The following VAV3 variants were observed in gnomAD, a reference collection of about 807,000 sequenced individuals.
The protein encoded by VAV3 is guanine nucleotide exchange factor VAV3.
A neutral mutation model predicts 131.2 loss-of-function variants in VAV3; 94 were observed. That is an observed-to-expected ratio of 0.72 (90% CI 0.61 to 0.85). VAV3 has a LOEUF of 0.85. VAV3 is among the 40% of genes least tolerant of loss of function. VAV3 has a pLI of 0.00. For synonymous variants in VAV3, 349 were observed against 342.0 expected (o/e 1.02, Z -0.22); for missense variants, 939 against 1,002.7 (o/e 0.94, Z 0.86).
intron 1 of VAV3, among the ~76,000 whole-genome samples, chr1:107,940,722 A>G (rs780781769): frequency 2.6e-5 from 4 of 152,162 alleles, no homozygotes; most frequent in Non-Finnish European, 5.9e-5. Flanking sequence ...AAAATAAGCT[A>G]GTCACAAAGG....
chr1:107,821,597 TAGAC>T (rs987861650), intron 2 of VAV3, among the ~76,000 whole-genome samples: 2 of 152,136 alleles, frequency 1.3e-5, no homozygotes, highest in African/African-American at 4.8e-5. Context: ...TAGGAGCTGG[TAGAC>T]AGCTGACACG....
At chr1:107,583,324 A>T (rs1650221524) in intron 25 of VAV3, among the ~76,000 whole-genome samples, 1 of 152,212 alleles carries the variant, frequency 6.6e-6, no homozygotes, top group African/African-American at 2.4e-5. Flanking sequence ...AAAAAACTGG[A>T]AGCATTCCCT....
intron 2 of VAV3, among the ~76,000 whole-genome samples, chr1:107,845,649 G>A (rs1161364828): frequency 6.6e-6 from 1 of 152,020 alleles, no homozygotes; most frequent in Non-Finnish European, 1.5e-5. Context: ...ACTTCATGAA[G>A]CATACACAAG....
intron 15 of VAV3, among the ~76,000 whole-genome samples, chr1:107,732,111 T>C (rs1048981197): frequency 5.3e-5 from 8 of 152,320 alleles, no homozygotes; most frequent in South Asian, 2.1e-4. Context: ...CTTTTCTACA[T>C]TGAAATTTCT....
Position 107,705,066 on chromosome 1 carries a change from A to G in VAV3, c.1503-5T>C. ...TAGTCTGGTCTTATGTTAGACCTAA[A>G]AAAAGGAAAAAAATAACTTTCTATA... On this transcript the variant is annotated splice_polypyrimidine_tract_variant and splice_region_variant and intron_variant, in intron 15 of 26. Coordinates refer to ENST00000370056, the MANE Select transcript of VAV3 (RefSeq NM_006113.5). 2 of 1,595,052 alleles carry G rather than the reference A, an allele frequency of 1.3e-6. No homozygotes were observed. Among genetic ancestry groups the G allele is most frequent in the African/African-American group, 2.7e-5 (2 of 74,604 alleles).
At chr1:107,697,403 G>A (rs116094301) in intron 17 of VAV3, among the ~76,000 whole-genome samples, 1,978 of 152,192 alleles carry the variant, frequency 0.013, 40 homozygotes, top group African/African-American at 0.045. Flanking sequence ...GGGCACCAAC[G>A]TATAAAACAG....
chr1:107,908,865 ACACACACAC>A (rs1393494528), intron 1 of VAV3, among the ~76,000 whole-genome samples: 8 of 136,326 alleles, frequency 5.9e-5, no homozygotes, highest in South Asian at 2.2e-4. Flanking sequence ...ACACACACAC[ACACACACAC>A]AATATAAAAC....
At chr1:107,956,049 A>C (rs1378823950) in intron 1 of VAV3, among the ~76,000 whole-genome samples, 3 of 152,256 alleles carry the variant, frequency 2.0e-5, no homozygotes, top group African/African-American at 7.2e-5. Context: ...AGAACTGATG[A>C]TGCAGAAGAG....
chr1:107,588,420 G>C (rs961511881), intron 25 of VAV3, among the ~76,000 whole-genome samples: 3 of 152,148 alleles, frequency 2.0e-5, no homozygotes, highest in Admixed American at 6.5e-5. Context: ...ACTTAAAATT[G>C]TCAAATGAGG....
At chr1:107,917,540 C>CAAACCTGATTGACTAAAAGAATGATGAT (rs1317412946) in intron 1 of VAV3, among the ~76,000 whole-genome samples, 4 of 152,116 alleles carry the variant, frequency 2.6e-5, no homozygotes, top group Non-Finnish European at 5.9e-5. Flanking sequence ...TAGACATTTT[C>CAAACCTGATTGACTAAAAGAATGATGAT]AAACCTGATT....
At chr1:107,854,110 G>T (rs531465007) in intron 2 of VAV3, among the ~76,000 whole-genome samples, 23 of 152,176 alleles carry the variant, frequency 1.5e-4, no homozygotes, top group Admixed American at 1.1e-3. Context: ...GGGGTTCGAG[G>T]CCAGCCTGGC....
chr1:107,677,008 T>G (rs1215545953), intron 19 of VAV3, among the ~76,000 whole-genome samples: 1 of 152,122 alleles, frequency 6.6e-6, no homozygotes, highest in Non-Finnish European at 1.5e-5. Flanking sequence ...TGAATGAGCC[T>G]CAAAGGAAAA....
intron 1 of VAV3, among the ~76,000 whole-genome samples, chr1:107,947,656 T>G (rs1318769691): frequency 6.6e-6 from 1 of 152,166 alleles, no homozygotes; most frequent in Non-Finnish European, 1.5e-5. Flanking sequence ...GGTGCATGAG[T>G]TGAACCGAGG....
intron 4 of VAV3, among the ~76,000 whole-genome samples, chr1:107,776,223 A>G (rs1272335438): frequency 6.6e-6 from 1 of 152,216 alleles, no homozygotes; most frequent in Non-Finnish European, 1.5e-5. Flanking sequence ...TAATTTGGAA[A>G]ACAAATACTT....
intron 2 of VAV3, among the ~76,000 whole-genome samples, chr1:107,818,074 T>G (rs1667637209): frequency 1.3e-5 from 2 of 152,138 alleles, no homozygotes; most frequent in Non-Finnish European, 2.9e-5. Context: ...GGCCAACTGC[T>G]CTGATCAGAT....
intron 1 of VAV3, among the ~76,000 whole-genome samples, chr1:107,897,589 C>T (rs557349288): frequency 2.6e-5 from 4 of 152,180 alleles, no homozygotes; most frequent in Admixed American, 2.6e-4. Context: ...TCCTCTGGGA[C>T]TTCTAGTTAC....
intron 1 of VAV3, among the ~76,000 whole-genome samples, chr1:107,923,840 C>G (rs546212462): frequency 1.3e-5 from 2 of 152,130 alleles, no homozygotes; most frequent in Admixed American, 1.3e-4. Context: ...ATATCAAGGC[C>G]CAAGGGGACT....
intron 22 of VAV3, 74 bp from the exon 23 acceptor site, chr1:107,603,237 T>C: frequency 9.2e-7 from 1 of 1,085,236 alleles, no homozygotes; most frequent in Non-Finnish European, 1.4e-6. Flanking sequence ...TAAGTATCTC[T>C]CAATATTTAA....
At chr1:107,959,104 T>C (rs1557947452) in intron 1 of VAV3, among the ~76,000 whole-genome samples, 1 of 151,782 alleles carries the variant, frequency 6.6e-6, no homozygotes, top group Non-Finnish European at 1.5e-5. Context: ...TCTACTAAAA[T>C]ACAAAAATTA....
Sources: gnomAD v4.1 joint callset for allele counts (sites outside exome capture counted in the v4.1 genomes callset) on GRCh38, gnomAD v4.1.1 for gene constraint, MANE v1.5 for transcripts, NCBI Gene and HGNC (gene_info 2026-07-23, HGNC 2026-07-21) for gene names.